The following DNAH11 variants were observed in gnomAD, a reference collection of about 807,000 sequenced individuals.
DNAH11 encodes the protein dynein axonemal heavy chain 11, also known as axonemal beta dynein heavy chain 11.
A neutral mutation model predicts 526.0 loss-of-function variants in DNAH11; 442 were observed. The observed-to-expected ratio is 0.84, with a 90% CI of 0.78 to 0.91. DNAH11 has a LOEUF of 0.91. Among genes scored for constraint, DNAH11 ranks in the 40% least tolerant of loss-of-function variants. The pLI, the probability that DNAH11 is intolerant of heterozygous loss-of-function variation, is 0.00. For synonymous variants in DNAH11, 2,461 were observed against 1,935.9 expected, an observed-to-expected ratio of 1.27 and a Z score of -7.12; for missense variants, 6,989 against 5,448.7, an observed-to-expected ratio of 1.28 and a Z score of -8.90.
chr7:21,887,453 A>G (rs2128045219), intron 76 of DNAH11, among the ~76,000 whole-genome samples: 1 of 152,376 alleles, frequency 6.6e-6, no homozygotes, highest in Non-Finnish European at 1.5e-5. Context: ...ATAGAATAAC[A>G]AGAATCTGGG....
intron 65 of DNAH11, among the ~76,000 whole-genome samples, chr7:21,838,961 G>A (rs1403266020): frequency 6.6e-6 from 1 of 152,100 alleles, no homozygotes; most frequent in Non-Finnish European, 1.5e-5. Flanking sequence ...CATTAGCAGT[G>A]TATGAGGGCT....
intron 55 of DNAH11, among the ~76,000 whole-genome samples, chr7:21,765,919 G>A (rs896743258): frequency 3.3e-5 from 5 of 151,432 alleles, no homozygotes; most frequent in African/African-American, 1.2e-4. Flanking sequence ...ATCATAATGG[G>A]GCTTGCTGAT....
intron 77 of DNAH11, among the ~76,000 whole-genome samples, chr7:21,893,809 G>C (rs922189625): frequency 6.6e-6 from 1 of 152,188 alleles, no homozygotes; most frequent in Non-Finnish European, 1.5e-5. Flanking sequence ...TTAGGATGCC[G>C]TGGTTGGGAG....
At position 21,900,994 on chromosome 7, in the gene DNAH11, G is replaced by T. The variant is rs1784788409; in HGVS notation, c.13304-13G>T. On this transcript the variant is annotated splice_polypyrimidine_tract_variant and intron_variant, in intron 81 of 81. Transcript: ENST00000409508. ...GCTGCCACACAATTGCAACCGCTGT[G>T]TTTTTGCCATAGGCGCCCGCTGGGA... 6.4e-7 allele frequency: 1 copy of T among 1,573,092 alleles called. No individual in the cohort carries two copies. The highest frequency in any genetic ancestry group is 8.6e-7 in the Non-Finnish European group (1 of 1,160,128).
intron 31 of DNAH11, 166 bp downstream of exon 31, chr7:21,681,843 T>C: frequency 1.1e-6 from 1 of 883,832 alleles, no homozygotes; most frequent in Non-Finnish European, 1.9e-6. Context: ...GGTTAGCCAA[T>C]ATATTATTCT....
chr7:21,758,653 T>G (rs1265867388), intron 54 of DNAH11, among the ~76,000 whole-genome samples: 1 of 152,186 alleles, frequency 6.6e-6, no homozygotes, highest in Non-Finnish European at 1.5e-5. Flanking sequence ...GAAAAAGTAA[T>G]GATCAAGAAG....
At chr7:21,634,467 A>G (rs927266012) in intron 25 of DNAH11, among the ~76,000 whole-genome samples, 4 of 152,344 alleles carry the variant, frequency 2.6e-5, no homozygotes, top group South Asian at 2.1e-4. Context: ...AGAAGAGTCA[A>G]GTATGTTAAA....
intron 64 of DNAH11, among the ~76,000 whole-genome samples, chr7:21,817,230 A>G (rs1028823445): frequency 6.6e-6 from 1 of 152,174 alleles, no homozygotes; most frequent in African/African-American, 2.4e-5. Context: ...AGTCATCATG[A>G]TAATACTGTC....
chr7:21,827,535 T>C (rs1210537560), intron 65 of DNAH11, among the ~76,000 whole-genome samples: 2 of 151,904 alleles, frequency 1.3e-5, no homozygotes, highest in Non-Finnish European at 2.9e-5. Context: ...AAAGATATTT[T>C]ATACTTCATT....
intron 65 of DNAH11, among the ~76,000 whole-genome samples, chr7:21,838,037 CGTGAACTATACA>C (rs1292734227): frequency 3.3e-5 from 5 of 152,134 alleles, no homozygotes; most frequent in African/African-American, 1.2e-4. Context: ...AAGAACTAGC[CGTGAACTATACA>C]GTGAATAGCA....
chr7:21,649,650 C>T lies in DNAH11; in HGVS notation c.4945-6182C>T, dbSNP rs139050109. Among the ~76,000 whole-genome samples, 11 of 151,508 alleles carry T rather than the reference C, an allele frequency of 7.3e-5. No individual in the cohort carries two copies. The East Asian group carries it at 2.1e-3, about 29-fold the overall frequency. On this transcript the variant is annotated intron_variant, in intron 28 of 81. Coordinates refer to ENST00000409508, the MANE Select transcript of DNAH11 (RefSeq NM_001277115.2). ...TGAGGAGTCTTACGGGTGCTGGTAT[C>T]CTACTCTTTTTTTTTTTTTTTTCTG...
chr7:21,640,124 G>T (rs1214584706), intron 28 of DNAH11, among the ~76,000 whole-genome samples: 1 of 152,142 alleles, frequency 6.6e-6, no homozygotes, highest in African/African-American at 2.4e-5. Context: ...CAGGTTCAGG[G>T]TCACCACTCA....
intron 22 of DNAH11, 122 bp from the exon 23 acceptor site, chr7:21,617,497 G>C: frequency 1.7e-6 from 2 of 1,199,092 alleles, no homozygotes; most frequent in Non-Finnish European, 2.3e-6. Flanking sequence ...TGGTCTAGGA[G>C]TTCAAATGCT....
intron 45 of DNAH11, among the ~76,000 whole-genome samples, chr7:21,734,143 T>G (rs138726728): frequency 6.6e-6 from 1 of 152,348 alleles, no homozygotes; most frequent in African/African-American, 2.4e-5. Flanking sequence ...TGAATCGAAG[T>G]ACTGCCACTT....
intron 28 of DNAH11, among the ~76,000 whole-genome samples, chr7:21,644,612 A>G (rs904428171): frequency 6.6e-6 from 1 of 152,174 alleles, no homozygotes; most frequent in African/African-American, 2.4e-5. Context: ...AATGAGAAAG[A>G]AGGAGCAAAA....
intron 34 of DNAH11, among the ~76,000 whole-genome samples, chr7:21,690,351 A>C (rs1271747288): frequency 6.6e-6 from 1 of 151,958 alleles, no homozygotes; most frequent in East Asian, 1.9e-4. Context: ...GAAATAGACA[A>C]AACTTAAGAC....
intron 65 of DNAH11, 93 bp from the exon 66 acceptor site, chr7:21,842,451 G>C: frequency 9.2e-7 from 1 of 1,085,220 alleles, no homozygotes; most frequent in Non-Finnish European, 1.3e-6. Context: ...TTCTGGCCAA[G>C]GTCCATTATA....
At chr7:21,721,003 T>G in intron 44 of DNAH11, 147 bp downstream of exon 44, 1 of 1,042,144 alleles carries the variant, frequency 9.6e-7, no homozygotes, top group Non-Finnish European at 1.3e-6. Context: ...ATGCATTCTC[T>G]GGGTAGTCCC....
intron 8 of DNAH11, among the ~76,000 whole-genome samples, chr7:21,572,465 T>C (rs1171047045): frequency 6.6e-6 from 1 of 152,204 alleles, no homozygotes; most frequent in South Asian, 2.1e-4. Context: ...AGGGGGAACC[T>C]TTCTGATTTA....
Sources: allele counts gnomAD v4.1 joint callset (sites outside exome capture counted in the v4.1 genomes callset), GRCh38; gene constraint gnomAD v4.1.1; transcripts MANE v1.5; gene names NCBI Gene and HGNC (gene_info 2026-07-23, HGNC 2026-07-21).